Variants in C8orf34 observed in about 807,000 individuals in gnomAD.
C8orf34 encodes the protein chromosome 8 open reading frame 34, also known as uncharacterized protein C8orf34.
C8orf34 carries 65 observed loss-of-function variants against 68.3 expected under a neutral mutation model. The ratio of observed to expected loss-of-function variants is 0.95; its 90% confidence interval spans 0.78 to 1.17. The LOEUF is 1.17. C8orf34 is among the 50% of genes most tolerant of loss of function. The pLI, the probability that C8orf34 is intolerant of heterozygous loss-of-function variation, is 0.00. For synonymous variants in C8orf34, 244 were observed against 241.2 expected (o/e 1.01, Z -0.11); for missense variants, 664 against 655.4 (o/e 1.01, Z -0.14).
intron 8 of C8orf34, among the ~76,000 whole-genome samples, chr8:68,644,382 A>C (rs574178116): frequency 6.6e-6 from 1 of 152,208 alleles, no homozygotes; most frequent in East Asian, 1.9e-4. Flanking sequence ...CCTGTGATAA[A>C]AGTTCATCTT....
intron 7 of C8orf34, among the ~76,000 whole-genome samples, chr8:68,579,971 C>T (rs561689282): frequency 5.3e-5 from 8 of 152,196 alleles, no homozygotes; most frequent in African/African-American, 1.9e-4. Context: ...GCCATCCGGG[C>T]TCAGGTTATC....
chr8:68,471,979 A>C (rs1232797703), intron 4 of C8orf34, among the ~76,000 whole-genome samples: 1 of 151,476 alleles, frequency 6.6e-6, no homozygotes, highest in Non-Finnish European at 1.5e-5. Context: ...AAATAATACC[A>C]GGAAAGACTA....
At chr8:68,589,520 G>T (rs115448197) in intron 7 of C8orf34, among the ~76,000 whole-genome samples, 6 of 27,690 alleles carry the variant, frequency 2.2e-4, no homozygotes, top group South Asian at 6.5e-4. Flanking sequence ...AGAGAGAAAG[G>T]GAGAGAGAGA....
At chr8:68,557,216 C>G (rs1320920140) in intron 7 of C8orf34, among the ~76,000 whole-genome samples, 1 of 152,054 alleles carries the variant, frequency 6.6e-6, no homozygotes, top group Non-Finnish European at 1.5e-5. Flanking sequence ...AACTTGTTAC[C>G]TATTTATATT....
At chr8:68,549,943 G>A in intron 7 of C8orf34, among the ~76,000 whole-genome samples, 1 of 151,584 alleles carries the variant, frequency 6.6e-6, no homozygotes, top group East Asian at 1.9e-4. Context: ...GTGTTAGCAT[G>A]GTATATCTTT....
At chr8:68,340,262 A>T (rs1806016429) in intron 1 of C8orf34, among the ~76,000 whole-genome samples, 1 of 152,100 alleles carries the variant, frequency 6.6e-6, no homozygotes, top group South Asian at 2.1e-4. Context: ...GTTATTGGAT[A>T]AAAAATTTGC....
At chr8:68,660,179 T>TC (rs1242820142) in intron 8 of C8orf34, among the ~76,000 whole-genome samples, 1 of 152,092 alleles carries the variant, frequency 6.6e-6, no homozygotes, top group Non-Finnish European at 1.5e-5. Flanking sequence ...AGCCATTTTT[T>TC]CCCTCAAAGG....
chr8:68,597,031 G>A (rs1817565015), intron 7 of C8orf34, among the ~76,000 whole-genome samples: 2 of 152,124 alleles, frequency 1.3e-5, no homozygotes, highest in South Asian at 2.1e-4. Context: ...CTTTTTAGCT[G>A]AGTGTTGAAA....
At chr8:68,672,236 A>T (rs1417567834) in intron 8 of C8orf34, among the ~76,000 whole-genome samples, 1 of 152,188 alleles carries the variant, frequency 6.6e-6, no homozygotes, top group Non-Finnish European at 1.5e-5. Flanking sequence ...TCCACTGATC[A>T]TCCTCCTCAT....
At chr8:68,389,821 A>G (rs1808408063) in intron 1 of C8orf34, among the ~76,000 whole-genome samples, 1 of 152,160 alleles carries the variant, frequency 6.6e-6, no homozygotes, top group Non-Finnish European at 1.5e-5. Flanking sequence ...TTATCTGGGG[A>G]GAAATATATT....
intron 10 of C8orf34, among the ~76,000 whole-genome samples, chr8:68,774,348 T>TATATATATATATATATATATATATATAA (rs1554611611): frequency 1.3e-5 from 2 of 149,148 alleles, no homozygotes; most frequent in East Asian, 2.0e-4. Context: ...TATATATATA[T>TATATATATATATATATATATATATATAA]AAAATAAACA....
chr8:68,814,920 G>T (rs73285466), intron 12 of C8orf34, among the ~76,000 whole-genome samples: 131 of 152,220 alleles, frequency 8.6e-4, no homozygotes, highest in African/African-American at 3.0e-3. Context: ...ATTTTCCTTA[G>T]TGTAGGACTT....
intron 7 of C8orf34, among the ~76,000 whole-genome samples, chr8:68,547,797 A>G (rs1211360267): frequency 1.3e-5 from 2 of 151,734 alleles, no homozygotes; most frequent in African/African-American, 4.8e-5. Flanking sequence ...TCTGATTGCA[A>G]GACTTACCCT....
At chr8:68,581,638 T>C (rs964509887) in intron 7 of C8orf34, among the ~76,000 whole-genome samples, 1 of 152,178 alleles carries the variant, frequency 6.6e-6, no homozygotes, top group South Asian at 2.1e-4. Flanking sequence ...TGGTGCAGAC[T>C]TCTTGAAGCT....
intron 8 of C8orf34, among the ~76,000 whole-genome samples, chr8:68,694,443 CTATAAA>C (rs1255278454): frequency 1.3e-5 from 2 of 151,968 alleles, no homozygotes; most frequent in African/African-American, 4.8e-5. Flanking sequence ...GTGTGTTTTT[CTATAAA>C]TATCCAGAAT....
chr8:68,341,257 C>T (rs371863183), intron 1 of C8orf34, among the ~76,000 whole-genome samples: 17 of 152,148 alleles, frequency 1.1e-4, no homozygotes, highest in East Asian at 5.8e-4. Flanking sequence ...ATGCCAATCC[C>T]GTTCATGAGG....
At chr8:68,443,319 G>T (rs1810987521) in intron 2 of C8orf34, among the ~76,000 whole-genome samples, 1 of 152,146 alleles carries the variant, frequency 6.6e-6, no homozygotes, top group South Asian at 2.1e-4. Context: ...AACTGAAGGG[G>T]TTATAATTGA....
At chr8:68,689,832 T>C (rs1056646704) in intron 8 of C8orf34, among the ~76,000 whole-genome samples, 2 of 152,010 alleles carry the variant, frequency 1.3e-5, no homozygotes, top group Admixed American at 1.3e-4. Flanking sequence ...CCTTCCCTAG[T>C]CTTATTTTGC....
Position 68,818,332 on chromosome 8 carries a change from G to C in C8orf34, c.*86G>C. ...ATAGTTCTAATTTTATTTACTATGT[G>C]TAATCATTTAGAGAATGGTTATTTT... is the stretch of plus-strand genomic sequence containing the variant. On this transcript the variant is annotated 3_prime_UTR_variant, in exon 14 of 14. Transcript: ENST00000518698. The C allele has an allele frequency of 7.2e-7, 1 of 1,390,134 alleles. No homozygotes were observed. Among genetic ancestry groups the C allele is most frequent in the Non-Finnish European group, 1.0e-6 (1 of 986,046 alleles). The allele number at this position is 1,390,134 out of a possible 1,614,324, so 86.1% of individuals were successfully genotyped here. A position where few individuals can be genotyped will look rare whatever the true frequency, so the allele number is the denominator to read the frequency against.
Sources: gnomAD v4.1 joint callset for allele counts (sites outside exome capture counted in the v4.1 genomes callset) on GRCh38, gnomAD v4.1.1 for gene constraint, MANE v1.5 for transcripts, NCBI Gene and HGNC (gene_info 2026-07-23, HGNC 2026-07-21) for gene names.